RORA: variants seen among roughly 807,000 people sequenced by gnomAD.
RORA encodes the protein RAR related orphan receptor A.
Under a neutral mutation model 69.5 loss-of-function variants are expected in RORA, and 7 were observed. That is an observed-to-expected ratio of 0.10 (90% confidence interval 0.06 to 0.19). The LOEUF is 0.19. Ranked by LOEUF, RORA falls within the 10% of genes least tolerant of loss-of-function variation. The pLI, the probability that RORA is intolerant of heterozygous loss-of-function variation, is 1.00. For missense variants in RORA, 457 were observed against 663.0 expected (o/e 0.69, Z 3.41); for synonymous variants, 261 against 240.8 (o/e 1.08, Z -0.78).
chr15:61,008,197 C>CAA (rs1894975780), intron 1 of RORA, among the ~76,000 whole-genome samples: 2 of 89,104 alleles, frequency 2.2e-5, no homozygotes, highest in African/African-American at 7.1e-5. Flanking sequence ...AAAATTCTCT[C>CAA]TCTCTCTGTG....
chr15:60,865,333 C>T (rs2073476009), intron 1 of RORA, among the ~76,000 whole-genome samples: 1 of 152,212 alleles, frequency 6.6e-6, no homozygotes, highest in Non-Finnish European at 1.5e-5. Flanking sequence ...ATCTAACACT[C>T]TATTATTCTA....
intron 1 of RORA, among the ~76,000 whole-genome samples, chr15:61,073,060 C>T (rs149798941): frequency 6.6e-6 from 1 of 152,196 alleles, no homozygotes; most frequent in Non-Finnish European, 1.5e-5. Context: ...TCGCCACCAT[C>T]AATTGCATCT....
chr15:60,763,650 G>A (rs1032306901), intron 1 of RORA, among the ~76,000 whole-genome samples: 3 of 152,096 alleles, frequency 2.0e-5, no homozygotes, highest in African/African-American at 7.2e-5. Flanking sequence ...GAAAGCATAC[G>A]TGGGAAAATA....
At chr15:60,686,048 CTGT>C (rs1377576272) in intron 1 of RORA, among the ~76,000 whole-genome samples, 1 of 151,980 alleles carries the variant, frequency 6.6e-6, no homozygotes, top group African/African-American at 2.4e-5. Flanking sequence ...GGAATTTTTC[CTGT>C]TTTTTGAATT....
At chr15:61,105,060 C>A (rs2140763488) in intron 1 of RORA, among the ~76,000 whole-genome samples, 1 of 147,670 alleles carries the variant, frequency 6.8e-6, no homozygotes, top group Admixed American at 6.8e-5. Flanking sequence ...TTATAAATTA[C>A]CCAGTCTTGG....
At chr15:61,140,181 G>C (rs1286267158) in intron 1 of RORA, among the ~76,000 whole-genome samples, 3 of 152,164 alleles carry the variant, frequency 2.0e-5, no homozygotes, top group Non-Finnish European at 4.4e-5. Context: ...AAAATGCAAA[G>C]ACAGAGGAAG....
chr15:60,676,019 G>A (rs760335914), intron 2 of RORA, among the ~76,000 whole-genome samples: 4 of 151,914 alleles, frequency 2.6e-5, no homozygotes, highest in Non-Finnish European at 4.4e-5. Context: ...GTTTTGAGAC[G>A]GTACAAAAAT....
intron 1 of RORA, among the ~76,000 whole-genome samples, chr15:60,933,962 G>A (rs1892444480): frequency 6.6e-6 from 1 of 152,232 alleles, no homozygotes; most frequent in Admixed American, 6.5e-5. Flanking sequence ...ATTTCTCAAA[G>A]TGATGAGAAG....
At chr15:61,060,049 G>GAAGAAA (rs2078160287) in intron 1 of RORA, among the ~76,000 whole-genome samples, 9 of 148,580 alleles carry the variant, frequency 6.1e-5, no homozygotes, top group Non-Finnish European at 1.0e-4. Context: ...AGAAGAAGAA[G>GAAGAAA]AAAGCCTTTC....
intron 1 of RORA, among the ~76,000 whole-genome samples, chr15:60,950,218 CT>C (rs1345690382): frequency 2.0e-5 from 3 of 151,102 alleles, no homozygotes; most frequent in Non-Finnish European, 4.4e-5. Context: ...AAATAAAACA[CT>C]TTACAGACAA....
intron 5 of RORA, among the ~76,000 whole-genome samples, chr15:60,506,158 T>C (rs1415906502): frequency 3.3e-5 from 5 of 152,212 alleles, no homozygotes; most frequent in African/African-American, 1.2e-4. Flanking sequence ...TGAAGCCACA[T>C]ACTCTGGAGC....
chr15:60,507,604 C>T (rs1183302796), intron 5 of RORA, among the ~76,000 whole-genome samples: 5 of 152,064 alleles, frequency 3.3e-5, no homozygotes, highest in Admixed American at 6.5e-5. Context: ...GAATCAATGA[C>T]GCTGGAGAAT....
At chr15:61,104,553 G>C (rs2078925052) in intron 1 of RORA, among the ~76,000 whole-genome samples, 1 of 152,154 alleles carries the variant, frequency 6.6e-6, no homozygotes. Context: ...ACTGGATAAA[G>C]ACAAACATCT....
intron 1 of RORA, among the ~76,000 whole-genome samples, chr15:61,120,495 C>T (rs1031197270): frequency 1.1e-4 from 16 of 151,838 alleles, no homozygotes; most frequent in African/African-American, 3.1e-4. Context: ...TTCAGGAGAT[C>T]GAGACCACCC....
At chr15:60,993,117 G>A (rs1894431498) in intron 1 of RORA, among the ~76,000 whole-genome samples, 1 of 152,166 alleles carries the variant, frequency 6.6e-6, no homozygotes, top group South Asian at 2.1e-4. Flanking sequence ...ATTATGTTAA[G>A]CTCAGCTCTT....
intron 1 of RORA, among the ~76,000 whole-genome samples, chr15:60,977,989 C>G (rs1306246179): frequency 6.6e-6 from 1 of 152,148 alleles, no homozygotes; most frequent in African/African-American, 2.4e-5. Context: ...AATGGAACTG[C>G]TGGGTCAAAT....
chr15:60,922,068 C>T (rs1034503523), intron 1 of RORA, among the ~76,000 whole-genome samples: 1 of 152,128 alleles, frequency 6.6e-6, no homozygotes, highest in African/African-American at 2.4e-5. Flanking sequence ...GCACAGTCTA[C>T]AGATATATGC....
chr15:60,977,453 G>GT (rs931930189), intron 1 of RORA, among the ~76,000 whole-genome samples: 10 of 151,908 alleles, frequency 6.6e-5, no homozygotes, highest in Admixed American at 2.0e-4. Flanking sequence ...AGGTTTTCCT[G>GT]TTTTTTTAAT....
At chr15:60,595,536 C>T (rs986156659) in intron 2 of RORA, among the ~76,000 whole-genome samples, 1 of 151,476 alleles carries the variant, frequency 6.6e-6, no homozygotes. Flanking sequence ...AAAATACAAT[C>T]AAGTAGAAAT....
Sources: gnomAD v4.1 joint callset for allele counts (sites outside exome capture counted in the v4.1 genomes callset) on GRCh38, gnomAD v4.1.1 for gene constraint, MANE v1.5 for transcripts, NCBI Gene and HGNC (gene_info 2026-07-23, HGNC 2026-07-21) for gene names.